Variants in KIF15 observed in about 807,000 individuals in gnomAD.
KIF15 encodes the protein kinesin-like protein KIF15.
A neutral mutation model predicts 190.6 loss-of-function variants in KIF15; 140 were observed. The ratio of observed to expected loss-of-function variants is 0.73; its 90% CI spans 0.64 to 0.84. The LOEUF is 0.84. Ranked by LOEUF, KIF15 falls within the 40% of genes least tolerant of loss-of-function variation. The pLI, the probability that KIF15 is intolerant of heterozygous loss-of-function variation, is 0.00. For synonymous variants in KIF15, 528 were observed against 551.3 expected (o/e 0.96, Z 0.59); for missense variants, 1,372 against 1,584.4 (o/e 0.87, Z 2.28).
At chr3:44,846,067 T>C (rs1242767130) in intron 30 of KIF15, among the ~76,000 whole-genome samples, 2 of 152,222 alleles carry the variant, frequency 1.3e-5, no homozygotes, top group Non-Finnish European at 2.9e-5. Context: ...AGCCTGTCTT[T>C]CTGAGTTTCT....
chr3:44,830,331 CTG>C (rs1180836790), intron 25 of KIF15, among the ~76,000 whole-genome samples: 1 of 152,154 alleles, frequency 6.6e-6, no homozygotes, highest in African/African-American at 2.4e-5. Context: ...ACAATGTTCT[CTG>C]TGCACTGTTT....
chr3:44,865,197 G>A (rs778901542), intron 6 of KIF15: 11 of 1,613,950 alleles, frequency 6.8e-6, no homozygotes, highest in East Asian at 4.5e-5. Context: ...TTGGCTAGAC[G>A]GACCAGCTGG....
chr3:44,816,608 A>T (rs1281325995), intron 20 of KIF15, among the ~76,000 whole-genome samples: 1 of 152,128 alleles, frequency 6.6e-6, no homozygotes, highest in Admixed American at 6.5e-5. Flanking sequence ...CCATGTGTAT[A>T]TGTGCCACAT....
At chr3:44,789,691 T>TAA (rs1706591950) in intron 7 of KIF15, among the ~76,000 whole-genome samples, 19 of 109,770 alleles carry the variant, frequency 1.7e-4, no homozygotes, top group East Asian at 1.0e-3. Flanking sequence ...TATATATATA[T>TAA]AAAATAGATA....
chr3:44,816,692 A>G (rs1320353266), intron 20 of KIF15, among the ~76,000 whole-genome samples: 1 of 152,218 alleles, frequency 6.6e-6, no homozygotes, highest in Non-Finnish European at 1.5e-5. Context: ...TAGTGCCACA[A>G]TAAACATATG....
intron 29 of KIF15, 152 bp from the exon 30 acceptor site, chr3:44,842,973 T>A: frequency 1.8e-6 from 1 of 551,944 alleles, no homozygotes. Flanking sequence ...TCCAATAGCT[T>A]GTCACAGTCT....
intron 20 of KIF15, among the ~76,000 whole-genome samples, chr3:44,820,523 G>A (rs2125676010): frequency 6.6e-6 from 1 of 152,158 alleles, no homozygotes; most frequent in Non-Finnish European, 1.5e-5. Flanking sequence ...GTGTCCCTGG[G>A]TACTTGAGAT....
At chr3:44,776,252 TC>T (rs1208780838) in intron 3 of KIF15, among the ~76,000 whole-genome samples, 4 of 151,030 alleles carry the variant, frequency 2.6e-5, no homozygotes, top group South Asian at 2.1e-4. Context: ...TTTTTTTTTT[TC>T]CCCCCACTAA....
intron 28 of KIF15, 35 bp downstream of exon 28, chr3:44,840,491 A>G: frequency 6.9e-7 from 1 of 1,439,142 alleles, no homozygotes; most frequent in East Asian, 2.3e-5. Flanking sequence ...CAGGAGGAAG[A>G]AACAGTTTTG....
At chr3:44,868,206 C>T (rs1699340410) in intron 6 of KIF15, among the ~76,000 whole-genome samples, 1 of 152,108 alleles carries the variant, frequency 6.6e-6, no homozygotes, top group Non-Finnish European at 1.5e-5. Flanking sequence ...ATGGATTATA[C>T]AACATCAATA....
At chr3:44,774,270 C>A in intron 1 of KIF15, 125 bp from the exon 2 acceptor site, 1 of 750,462 alleles carries the variant, frequency 1.3e-6, no homozygotes, top group Non-Finnish European at 2.3e-6. Context: ...CTGTGGAGCA[C>A]AGCATTGTTA....
At chr3:44,868,458 A>G (rs191782208) in intron 6 of KIF15, among the ~76,000 whole-genome samples, 1 of 152,328 alleles carries the variant, frequency 6.6e-6, no homozygotes, top group East Asian at 1.9e-4. Flanking sequence ...TTTTGTGTGA[A>G]CATGTTTTCA....
At chr3:44,843,060 C>T in intron 29 of KIF15, 65 bp from the exon 30 acceptor site, 1 of 1,181,396 alleles carries the variant, frequency 8.5e-7, no homozygotes, top group Non-Finnish European at 1.2e-6. Flanking sequence ...CAGTGGTGGC[C>T]TTGGGGAGCT....
At position 44,811,029 on chromosome 3, in the gene KIF15, C is replaced by T. The variant is rs1559554538; in HGVS notation, c.2155C>T (p.Leu719Phe). ...AGCTTTTGAGGCCATTTCTGAAGAGCTTAGAACAGTGCAGGTAATGTTTTG... is the reference window on the plus strand; with the variant it reads ...AGCTTTTGAGGCCATTTCTGAAGAGTTTAGAACAGTGCAGGTAATGTTTTG... ...EQAFEAISEELRTVQEQMSAL... is the reference protein window; with the variant it reads ...EQAFEAISEEFRTVQEQMSAL... The change falls in exon 17 of 35, where the codon CTT (leucine) becomes TTT (phenylalanine). Residue 719 changes from leucine (L) to phenylalanine (F), a missense_variant. By Grantham distance (22) the Leu-to-Phe change is conservative. Coordinates refer to ENST00000326047, the MANE Select transcript of KIF15 (RefSeq NM_020242.3). 6.2e-7 allele frequency: 1 copy of T among 1,608,020 alleles called. No individual in the cohort carries two copies. Among genetic ancestry groups the T allele is most frequent in the Non-Finnish European group, 8.5e-7 (1 of 1,178,112 alleles).
At chr3:44,861,782 C>T (rs1699250514) in intron 6 of KIF15, 1 of 969,658 alleles carries the variant, frequency 1.0e-6, no homozygotes, top group Admixed American at 2.6e-5. Flanking sequence ...CCCGCCCCCT[C>T]CGAGGCGCCG....
At chr3:44,813,625 G>GTTTT (rs1288995908) in intron 19 of KIF15, among the ~76,000 whole-genome samples, 4 of 102,724 alleles carry the variant, frequency 3.9e-5, no homozygotes, top group African/African-American at 1.3e-4. Context: ...TGTTTTGTTT[G>GTTTT]TTTTGTTTTT....
intron 16 of KIF15, among the ~76,000 whole-genome samples, chr3:44,809,262 C>T (rs545418763): frequency 2.6e-5 from 4 of 152,260 alleles, no homozygotes; most frequent in African/African-American, 9.6e-5. Flanking sequence ...ATATCCTATT[C>T]CCTGAAAAGA....
chr3:44,863,985 C>G, intron 6 of KIF15: 1 of 561,670 alleles, frequency 1.8e-6, no homozygotes, highest in Non-Finnish European at 3.2e-6. Context: ...AAATGAGTAT[C>G]TTCTCTGAAT....
intron 22 of KIF15, 35 bp from the exon 23 acceptor site, chr3:44,827,424 G>T (rs1697726485): frequency 6.9e-7 from 1 of 1,440,016 alleles, no homozygotes; most frequent in Non-Finnish European, 9.7e-7. Context: ...TTCATTGAGT[G>T]AAGTCAGGGG....
Sources: allele counts gnomAD v4.1 joint callset (sites outside exome capture counted in the v4.1 genomes callset), GRCh38; gene constraint gnomAD v4.1.1; transcripts MANE v1.5; gene names NCBI Gene and HGNC (gene_info 2026-07-23, HGNC 2026-07-21).